The following CACNB2 variants were observed in gnomAD, a reference collection of about 807,000 sequenced individuals.
CACNB2 encodes voltage-dependent L-type calcium channel subunit beta-2.
Under a neutral mutation model 73.3 loss-of-function variants are expected in CACNB2, and 42 were observed. The ratio of observed to expected loss-of-function variants is 0.57; its 90% CI spans 0.45 to 0.74. CACNB2 has a LOEUF of 0.74. CACNB2 is among the 30% of genes least tolerant of loss of function. The probability of loss-of-function intolerance (pLI) is 0.00; values close to 1 mark genes in which losing one functional copy is unlikely to be tolerated. For missense variants in CACNB2, 940 were observed against 853.0 expected (o/e 1.10, Z -1.27); for synonymous variants, 348 against 310.3 (o/e 1.12, Z -1.28).
Position 18,449,376 on chromosome 10 carries a change from C to T in CACNB2, c.333+47333C>T, listed in dbSNP as rs548906146. 1.8e-4 allele frequency among the ~76,000 whole-genome samples: 27 copies of T among 152,166 alleles called. No homozygotes were observed. The South Asian group carries it at 3.5e-3, about 20-fold the overall frequency. ...CTCCAGCCTGGGCGACAGAGCGAGA[C>T]TCCATAAAATAAAAAATAAAAAATA... On this transcript the variant is annotated intron_variant, in intron 3 of 13. Transcript: ENST00000324631.
At chr10:18,320,387 ATTT>A (rs1433337716) in intron 2 of CACNB2, among the ~76,000 whole-genome samples, 2 of 152,022 alleles carry the variant, frequency 1.3e-5, no homozygotes, top group East Asian at 3.9e-4. Flanking sequence ...TACGAAACAA[ATTT>A]TTTTTCGTTT....
intron 3 of CACNB2, among the ~76,000 whole-genome samples, chr10:18,412,621 T>C (rs569803671): frequency 6.6e-6 from 1 of 152,228 alleles, no homozygotes; most frequent in Non-Finnish European, 1.5e-5. Flanking sequence ...TTGTTTTTCT[T>C]CTCTGCTAAG....
At position 18,378,644 on chromosome 10, in the gene CACNB2, G is replaced by A. The variant is rs148706207; in HGVS notation, c.214-23280G>A. Among the ~76,000 whole-genome samples the A allele has an allele frequency of 2.3e-3, 351 of 152,218 alleles. 3 individuals carry two copies. Among genetic ancestry groups the A allele is most frequent in the Middle Eastern group, 0.01 (3 of 294 alleles). ...TGTGCGTCTGTGATCCCAGCTACTC[G>A]GGAGGCCGAGGTGGGAGGATCGGTT... On this transcript the variant is annotated intron_variant, in intron 2 of 13. Transcript: ENST00000324631.
chr10:18,240,256 A>G (rs1410543645), intron 2 of CACNB2, among the ~76,000 whole-genome samples: 1 of 152,160 alleles, frequency 6.6e-6, no homozygotes, highest in Non-Finnish European at 1.5e-5. Flanking sequence ...TTATTCTACA[A>G]TCCAAATAAC....
intron 2 of CACNB2, among the ~76,000 whole-genome samples, chr10:18,174,394 TTC>T (rs140017953): frequency 6.8e-6 from 1 of 147,796 alleles, no homozygotes; most frequent in Non-Finnish European, 1.5e-5. Flanking sequence ...TTTTCTTTCT[TTC>T]TCTCTTTCTT....
intron 3 of CACNB2, among the ~76,000 whole-genome samples, chr10:18,422,452 C>T (rs955329153): frequency 6.6e-6 from 1 of 152,180 alleles, no homozygotes; most frequent in Non-Finnish European, 1.5e-5. Context: ...GAAATGTTTG[C>T]AGCAGCAGAA....
At chr10:18,490,795 C>T (rs973752624) in intron 3 of CACNB2, among the ~76,000 whole-genome samples, 7 of 150,776 alleles carry the variant, frequency 4.6e-5, no homozygotes, top group African/African-American at 9.8e-5. Context: ...TGCTTTTCTT[C>T]CCCATCTTAC....
At chr10:18,411,202 G>A (rs781702762) in intron 3 of CACNB2, among the ~76,000 whole-genome samples, 25 of 152,020 alleles carry the variant, frequency 1.6e-4, no homozygotes, top group Admixed American at 3.9e-4. Context: ...ATTTCTAGCC[G>A]CATGCGTTTG....
At chr10:18,470,158 C>T (rs2048106115) in intron 3 of CACNB2, among the ~76,000 whole-genome samples, 1 of 151,240 alleles carries the variant, frequency 6.6e-6, no homozygotes, top group South Asian at 2.1e-4. Flanking sequence ...ATTGCACTAG[C>T]CAAAATAAAA....
At chr10:18,361,230 A>T (rs2042123931) in intron 2 of CACNB2, among the ~76,000 whole-genome samples, 1 of 150,822 alleles carries the variant, frequency 6.6e-6, no homozygotes, top group Non-Finnish European at 1.5e-5. Context: ...CAAAAATTCC[A>T]CCTGTAATCC....
At chr10:18,261,017 C>T in intron 2 of CACNB2, 6 of 1,389,908 alleles carry the variant, frequency 4.3e-6, no homozygotes, top group Non-Finnish European at 4.7e-6. Context: ...AAATAGGAAA[C>T]CCCCTTGAAG....
intron 6 of CACNB2, among the ~76,000 whole-genome samples, chr10:18,507,417 C>T (rs1718024256): frequency 6.6e-6 from 1 of 152,164 alleles, no homozygotes; most frequent in Non-Finnish European, 1.5e-5. Flanking sequence ...AAATAAAGCA[C>T]ACCTACTTAA....
At chr10:18,525,000 T>A (rs1179804834) in intron 9 of CACNB2, among the ~76,000 whole-genome samples, 1 of 135,610 alleles carries the variant, frequency 7.4e-6, no homozygotes, top group Non-Finnish European at 1.5e-5. Context: ...ACCCTTGCAC[T>A]CCAGCCTGGG....
rs187876255 is a variant in CACNB2 at position 18,369,502 on chromosome 10, A to G, written c.214-32422A>G. Among the ~76,000 whole-genome samples the G allele has an allele frequency of 1.5e-4, 23 of 152,350 alleles. No individual in the cohort carries two copies. In the East Asian group the frequency reaches 4.0e-3, roughly 27 times the overall value. Reference sequence around the variant, plus strand: ...GTCTTATTTTTAAGAAGAAACATGCATCAATAAGAAACATAAAAATAGGCT... The same window carrying G: ...GTCTTATTTTTAAGAAGAAACATGCGTCAATAAGAAACATAAAAATAGGCT... On this transcript the variant is annotated intron_variant, in intron 2 of 13. Coordinates refer to ENST00000324631, the MANE Select transcript of CACNB2 (RefSeq NM_201596.3).
At chr10:18,307,530 T>C (rs2039782407) in intron 2 of CACNB2, among the ~76,000 whole-genome samples, 1 of 152,254 alleles carries the variant, frequency 6.6e-6, no homozygotes, top group Non-Finnish European at 1.5e-5. Context: ...TTGTTTGTTT[T>C]TTAATCCCCA....
rs772732675 is a variant in CACNB2 at position 18,152,709 on chromosome 10, C to CAAAAAAAAAAAAAA, written c.213+1744_213+1757dup. 5.8e-3 allele frequency among the ~76,000 whole-genome samples: 284 copies of CAAAAAAAAAAAAAA among 49,060 alleles called. 2 individuals carry two copies. The highest frequency in any genetic ancestry group is 7.1e-3 in the Admixed American group (25 of 3,516). The allele number at this position is 49,060 out of a possible 152,430, so 32.2% of individuals were successfully genotyped here. ...TCATCATGCAGGACCTGAAACAGAC[C>CAAAAAAAAAAAAAA]AAAAAAAAAAAAAAAAAAAAAAACA... On this transcript the variant is annotated intron_variant, in intron 2 of 13. Coordinates refer to ENST00000324631, the MANE Select transcript of CACNB2 (RefSeq NM_201596.3).
chr10:18,446,703 C>T (rs559109547), intron 3 of CACNB2, among the ~76,000 whole-genome samples: 168 of 152,186 alleles, frequency 1.1e-3, no homozygotes, highest in African/African-American at 3.6e-3. Flanking sequence ...TGCTAACATG[C>T]GCTGTGACAC....
Position 18,534,104 on chromosome 10 carries a change from T to G in CACNB2, c.1083T>G (p.Ile361Met). 1 of 1,614,056 alleles carries G rather than the reference T, an allele frequency of 6.2e-7. No individual in the cohort carries two copies. ...AAGTTCAGAGTGAAATCGAAAGGAT[T>G]TTTGAACTTGCAAGAACATTGCAGT... is the stretch of plus-strand genomic sequence containing the variant. ...LAEVQSEIERIFELARTLQLV... is the reference protein window; with the variant it reads ...LAEVQSEIERMFELARTLQLV... The change falls in exon 11 of 14, where the codon ATT becomes ATG. Residue 361 changes from isoleucine to methionine, a missense_variant. By Grantham distance (10) the Ile-to-Met change is conservative. Transcript: ENST00000324631.
At chr10:18,243,008 A>AAAG (rs2036722660) in intron 2 of CACNB2, among the ~76,000 whole-genome samples, 2 of 6,534 alleles carry the variant, frequency 3.1e-4, no homozygotes, top group Admixed American at 2.1e-3. Context: ...AGACTGTCTC[A>AAAG]AAAAAAAAAA....
Sources: allele counts gnomAD v4.1 joint callset (sites outside exome capture counted in the v4.1 genomes callset), GRCh38; gene constraint gnomAD v4.1.1; transcripts MANE v1.5; gene names NCBI Gene and HGNC (gene_info 2026-07-23, HGNC 2026-07-21).